ARHGAP20: variants seen among roughly 807,000 people sequenced by gnomAD.
ARHGAP20 encodes the protein Rho GTPase activating protein 20.
In ARHGAP20, 34 loss-of-function variants were observed where a neutral mutation model predicts 73.7. The ratio of observed to expected loss-of-function variants is 0.46; its 90% CI spans 0.35 to 0.61. ARHGAP20 has a LOEUF of 0.61. ARHGAP20 is among the 20% of genes least tolerant of loss of function. The pLI is 0.00. For synonymous variants in ARHGAP20, 523 were observed against 518.2 expected (o/e 1.01, Z -0.13); for missense variants, 1,314 against 1,420.9 (o/e 0.92, Z 1.21).
At chr11:110,586,120 A>C in intron 12 of ARHGAP20, 96 bp downstream of exon 12, 1 of 599,570 alleles carries the variant, frequency 1.7e-6, no homozygotes, top group Non-Finnish European at 2.6e-6. Context: ...ACTGGTCCAC[A>C]TGGATATGAC....
intron 9 of ARHGAP20, among the ~76,000 whole-genome samples, chr11:110,605,582 CA>C (rs1251559409): frequency 1.3e-5 from 2 of 152,162 alleles, no homozygotes; most frequent in African/African-American, 4.8e-5. Context: ...TAGCTACATA[CA>C]AATGTTTCTT....
At chr11:110,711,687 C>G (rs1254119438) in intron 1 of ARHGAP20, 3 of 1,453,320 alleles carry the variant, frequency 2.1e-6, no homozygotes, top group Non-Finnish European at 2.7e-6. Context: ...CGCTCCCGGG[C>G]AGACATCGCC....
chr11:110,597,578 G>A (rs571792590), intron 9 of ARHGAP20, among the ~76,000 whole-genome samples: 9 of 152,148 alleles, frequency 5.9e-5, no homozygotes, highest in South Asian at 2.1e-4. Flanking sequence ...GATTACAGGC[G>A]TGAGCCACTG....
At chr11:110,648,228 T>A (rs1190590108) in intron 2 of ARHGAP20, among the ~76,000 whole-genome samples, 6 of 81,812 alleles carry the variant, frequency 7.3e-5, no homozygotes, top group African/African-American at 3.6e-4. Context: ...TATGTATATA[T>A]ATATATATGT....
At chr11:110,652,830 C>G (rs1440114282) in intron 2 of ARHGAP20, among the ~76,000 whole-genome samples, 2 of 152,172 alleles carry the variant, frequency 1.3e-5, no homozygotes, top group East Asian at 3.9e-4. Context: ...TACTAAAAGA[C>G]TATAGTAACC....
At chr11:110,588,427 C>G (rs1341774294) in intron 11 of ARHGAP20, among the ~76,000 whole-genome samples, 1 of 152,026 alleles carries the variant, frequency 6.6e-6, no homozygotes, top group Non-Finnish European at 1.5e-5. Flanking sequence ...TATATTTAAG[C>G]AAAACCAGCA....
intron 1 of ARHGAP20, chr11:110,690,904 C>A: frequency 1.7e-6 from 2 of 1,210,698 alleles, no homozygotes; most frequent in Admixed American, 2.6e-5. Context: ...TTGGGAGAAA[C>A]ACCATCATAA....
chr11:110,644,997 T>TTCTC (rs71476091), intron 2 of ARHGAP20, among the ~76,000 whole-genome samples: 37,802 of 150,068 alleles, frequency 0.25, 4,899 homozygotes, highest in African/African-American at 0.32. Context: ...GAACAGACAC[T>TTCTC]TCTCTCTCTC....
intron 2 of ARHGAP20, among the ~76,000 whole-genome samples, chr11:110,684,152 T>C (rs1950088311): frequency 6.6e-6 from 1 of 151,956 alleles, no homozygotes; most frequent in Non-Finnish European, 1.5e-5. Context: ...ACATGGATGT[T>C]ATTTATGAAG....
Position 110,590,700 on chromosome 11 carries a change from A to G in ARHGAP20, c.1253T>C (p.Val418Ala), listed in dbSNP as rs1156627389. The G allele has an allele frequency of 1.2e-5, 20 of 1,613,832 alleles. No individual in the cohort carries two copies. Among genetic ancestry groups the G allele is most frequent in the Non-Finnish European group, 1.5e-5 (18 of 1,179,970 alleles). Reference protein sequence around the residue: ...RELKEKLNSGVEVHLDCESIF... With the variant: ...RELKEKLNSGAEVHLDCESIF... ...AGATTCACAGTCTAGGTGTACTTCGACTCCAGAATTCAATTTCTCTTTTAG... is the reference window on the plus strand; with the variant it reads ...AGATTCACAGTCTAGGTGTACTTCGGCTCCAGAATTCAATTTCTCTTTTAG... The change falls in exon 11 of 15, where the codon GTC becomes GCC. Residue 418 changes from valine (V) to alanine (A), a missense_variant. Around this residue, in one of 3 missense-constraint regions of ARHGAP20, gnomAD observed 230 missense variants for 317.6 expected, o/e 0.72. Coordinates refer to ENST00000683387, the MANE Select transcript of ARHGAP20 (RefSeq NM_001384657.1).
chr11:110,667,993 G>A (rs1392859327), intron 2 of ARHGAP20, among the ~76,000 whole-genome samples: 1 of 152,144 alleles, frequency 6.6e-6, no homozygotes, highest in Non-Finnish European at 1.5e-5. Flanking sequence ...GACAACAAAG[G>A]ACTTAGACTT....
In ARHGAP20 at chr11:110,580,684, C is replaced by A. The variant is rs1276785988; in HGVS notation, c.2262G>T (p.Lys754Asn). The A allele has an allele frequency of 6.2e-7, 1 of 1,613,816 alleles. No homozygotes were observed. The highest frequency in any genetic ancestry group is 8.5e-7 in the Non-Finnish European group (1 of 1,179,858). Residue 754 changes from lysine to asparagine, a missense_variant, in exon 15 of 15, where the codon AAG becomes AAT. By Grantham distance (94) the Lys-to-Asn change is moderately conservative. Around this residue, in one of 3 missense-constraint regions of ARHGAP20, gnomAD observed 641 missense variants for 636.9 expected, o/e 1.01. Transcript: ENST00000683387. ...KQNQPLQEEG[K>N]TCFKQSLVTG... ...TGACTAAACTCTGTTTAAAACATGT[C>A]TTTCCTTCCTCCTGGAGGGGTTGAT...
intron 2 of ARHGAP20, among the ~76,000 whole-genome samples, chr11:110,634,757 A>C (rs1354229169): frequency 6.6e-6 from 1 of 152,172 alleles, no homozygotes; most frequent in African/African-American, 2.4e-5. Flanking sequence ...AGGTGGAATT[A>C]AGATTACTGA....
rs188221404 is a variant in ARHGAP20, at chr11:110,704,608, T to C, written c.105+7519A>G. On this transcript the variant is annotated intron_variant, in intron 1 of 14. Transcript: ENST00000683387. ...TGCCTACAAGCCTCATTATTGATGG[T>C]TGACCGAAGGCAATCATCTCTGCTA... Among the ~76,000 whole-genome samples, 1,078 of 152,306 alleles carry C rather than the reference T, an allele frequency of 7.1e-3. 6 individuals carry two copies. Among genetic ancestry groups the C allele is most frequent in the Non-Finnish European group, 0.013 (852 of 68,008 alleles).
chr11:110,654,871 C>T (rs141596618), intron 2 of ARHGAP20, among the ~76,000 whole-genome samples: 90 of 152,256 alleles, frequency 5.9e-4, no homozygotes, highest in Non-Finnish European at 1.1e-3. Flanking sequence ...AAATAAATTC[C>T]ACGTGTTTCT....
intron 2 of ARHGAP20, among the ~76,000 whole-genome samples, chr11:110,637,214 T>C (rs1948986490): frequency 6.6e-6 from 1 of 152,084 alleles, no homozygotes; most frequent in Non-Finnish European, 1.5e-5. Context: ...ACAGTGTTGC[T>C]TAATCATAAA....
intron 1 of ARHGAP20, among the ~76,000 whole-genome samples, chr11:110,702,310 A>G (rs1950469016): frequency 6.6e-6 from 1 of 152,192 alleles, no homozygotes; most frequent in Non-Finnish European, 1.5e-5. Flanking sequence ...ATAGATGTAG[A>G]AAAGGCCTTT....
intron 9 of ARHGAP20, among the ~76,000 whole-genome samples, chr11:110,605,131 G>A (rs1948194261): frequency 6.6e-6 from 1 of 152,194 alleles, no homozygotes; most frequent in Non-Finnish European, 1.5e-5. Context: ...GCTAGACAGG[G>A]ATGATCACGA....
At chr11:110,665,278 G>A (rs1172139160) in intron 2 of ARHGAP20, among the ~76,000 whole-genome samples, 1 of 151,982 alleles carries the variant, frequency 6.6e-6, no homozygotes, top group Non-Finnish European at 1.5e-5. Flanking sequence ...AATAATCTGA[G>A]TTTTCATTGT....
Sources: gnomAD v4.1 joint callset for allele counts (sites outside exome capture counted in the v4.1 genomes callset) on GRCh38, gnomAD v4.1.1 for gene constraint, gnomAD v4.1.1 regional missense constraint, MANE v1.5 for transcripts, NCBI Gene and HGNC (gene_info 2026-07-23, HGNC 2026-07-21) for gene names.